The following GABRG3 variants were observed in gnomAD, a reference collection of about 807,000 sequenced individuals.
GABRG3 encodes gamma-aminobutyric acid receptor subunit gamma-3.
Under a neutral mutation model 48.8 loss-of-function variants are expected in GABRG3, and 25 were observed. The ratio of observed to expected loss-of-function variants is 0.51; its 90% CI spans 0.37 to 0.72. The LOEUF is 0.72. GABRG3 is among the 30% of genes least tolerant of loss of function. GABRG3 has a pLI of 0.00. For missense variants in GABRG3, 394 were observed against 577.9 expected, an observed-to-expected ratio of 0.68 and a Z score of 3.26; for synonymous variants, 227 against 217.6, an observed-to-expected ratio of 1.04 and a Z score of -0.38.
At position 27,153,424 on chromosome 15, in the gene GABRG3, G is replaced by A. The variant is rs1898359614; in HGVS notation, c.270+126603G>A. The stretch of plus-strand genomic sequence containing the variant: ...ATACAATAGGCTGTAATATCTGGTA[G>A]AGTGATTCTTCCTGCACTCTTCTTT... On this transcript the variant is annotated intron_variant, in intron 3 of 9. Coordinates refer to ENST00000615808, the MANE Select transcript of GABRG3 (RefSeq NM_033223.5). Among the ~76,000 whole-genome samples, 3 of 152,140 alleles carry A rather than the reference G, an allele frequency of 2.0e-5. No homozygotes were observed. In the South Asian group the frequency reaches 6.2e-4, roughly 32 times the overall value.
chr15:27,129,912 A>G (rs1275781917), intron 3 of GABRG3, among the ~76,000 whole-genome samples: 1 of 152,058 alleles, frequency 6.6e-6, no homozygotes, highest in Non-Finnish European at 1.5e-5. Context: ...TGTTGTTTAA[A>G]TAGTTGCTCT....
At chr15:27,294,777 C>A (rs1891923208) in intron 3 of GABRG3, 1 of 152,176 alleles carries the variant, frequency 6.6e-6, no homozygotes, top group Non-Finnish European at 1.5e-5. Context: ...TTTTCAGTGA[C>A]CCCTCTCACT....
chr15:27,449,767 C>A (rs1889053086), intron 5 of GABRG3, among the ~76,000 whole-genome samples: 1 of 152,206 alleles, frequency 6.6e-6, no homozygotes. Context: ...AAAACACCTA[C>A]ACGCTGAGTC....
chr15:27,003,588 A>G (rs1001449347), intron 2 of GABRG3, among the ~76,000 whole-genome samples: 4 of 152,214 alleles, frequency 2.6e-5, no homozygotes, highest in African/African-American at 7.2e-5. Flanking sequence ...TTTTCTTAGT[A>G]CAGAACAAAA....
At chr15:27,345,136 G>A (rs367805629) in intron 5 of GABRG3, among the ~76,000 whole-genome samples, 110 of 152,274 alleles carry the variant, frequency 7.2e-4, no homozygotes, top group African/African-American at 2.5e-3. Context: ...GGCTTTTTAA[G>A]ATTTTAATCT....
chr15:27,460,217 C>G (rs930273328), intron 5 of GABRG3, among the ~76,000 whole-genome samples: 1 of 152,150 alleles, frequency 6.6e-6, no homozygotes, highest in Non-Finnish European at 1.5e-5. Context: ...ATATTTCAAG[C>G]CTTTTTTGTG....
chr15:27,409,834 T>C (rs1195779446), intron 5 of GABRG3, among the ~76,000 whole-genome samples: 1 of 151,884 alleles, frequency 6.6e-6, no homozygotes, highest in Admixed American at 6.6e-5. Flanking sequence ...TAGGAGTTAG[T>C]TTTTTTACAT....
rs543249164 is a variant in GABRG3, at chr15:27,461,838, A to G, written c.575-18812A>G. 1.4e-4 allele frequency among the ~76,000 whole-genome samples: 21 copies of G among 152,304 alleles called. No individual in the cohort carries two copies. In the East Asian group the frequency reaches 2.9e-3, roughly 21 times the overall value. On this transcript the variant is annotated intron_variant, in intron 5 of 9. Coordinates refer to ENST00000615808, the MANE Select transcript of GABRG3 (RefSeq NM_033223.5). ...GGTTTTGCATTCAATACTAGAGCCA[A>G]AAACAGTGTAGAGAGACTTCTTTTT...
chr15:27,039,040 G>T (rs1190338216), intron 3 of GABRG3, among the ~76,000 whole-genome samples: 1 of 152,122 alleles, frequency 6.6e-6, no homozygotes, highest in Admixed American at 6.5e-5. Flanking sequence ...AGCTGGGTTG[G>T]GCTCCGTTAC....
intron 3 of GABRG3, among the ~76,000 whole-genome samples, chr15:27,278,354 T>C (rs1891323761): frequency 6.6e-6 from 1 of 152,026 alleles, no homozygotes; most frequent in Non-Finnish European, 1.5e-5. Flanking sequence ...CTGGCCTCGG[T>C]GCATTTTTAC....
intron 3 of GABRG3, among the ~76,000 whole-genome samples, chr15:27,046,261 T>A (rs1180460996): frequency 1.4e-5 from 1 of 72,168 alleles, no homozygotes; most frequent in Non-Finnish European, 2.2e-5. Flanking sequence ...ACCTGGCTAA[T>A]TTTTTTTTTT....
In GABRG3 at chr15:27,529,904, A is replaced by AAG. The variant is rs1555389676; in HGVS notation, c.1122+1916_1122+1917dup. 2.2e-3 allele frequency among the ~76,000 whole-genome samples: 339 copies of AAG among 151,548 alleles called. 6 individuals are homozygous for AAG. Among genetic ancestry groups the AAG allele is most frequent in the African/African-American group, 7.8e-3 (320 of 40,992 alleles). ...AGCAGAAAATTAAAAAAAAAAAAAA[A>AAG]AGAGAAAGTGGGAAAGTTTAATGAC... On this transcript the variant is annotated intron_variant, in intron 9 of 9. Coordinates refer to ENST00000615808, the MANE Select transcript of GABRG3 (RefSeq NM_033223.5).
chr15:27,043,389 A>G (rs1315994534), intron 3 of GABRG3, among the ~76,000 whole-genome samples: 2 of 152,136 alleles, frequency 1.3e-5, no homozygotes, highest in Non-Finnish European at 2.9e-5. Context: ...CTCAGAACCA[A>G]CTCACTCATG....
intron 3 of GABRG3, among the ~76,000 whole-genome samples, chr15:27,308,233 T>C (rs1026441472): frequency 7.3e-6 from 1 of 136,794 alleles, no homozygotes; most frequent in Non-Finnish European, 1.5e-5. Context: ...CATGTTTATA[T>C]ATCCAAACAT....
chr15:27,115,447 G>A (rs910670134), intron 3 of GABRG3, among the ~76,000 whole-genome samples: 2 of 152,108 alleles, frequency 1.3e-5, no homozygotes, highest in African/African-American at 4.8e-5. Flanking sequence ...GATCACGTGG[G>A]CATTTTCCTG....
At chr15:27,147,866 A>C (rs1170731234) in intron 3 of GABRG3, among the ~76,000 whole-genome samples, 1 of 151,976 alleles carries the variant, frequency 6.6e-6, no homozygotes, top group Non-Finnish European at 1.5e-5. Flanking sequence ...ATTTTTAAAA[A>C]GTGAGATTTC....
intron 3 of GABRG3, among the ~76,000 whole-genome samples, chr15:27,109,024 T>C (rs1055070913): frequency 7.9e-5 from 12 of 152,190 alleles, no homozygotes; most frequent in African/African-American, 2.9e-4. Context: ...ACCTATATTA[T>C]TATGAGCATT....
intron 3 of GABRG3, among the ~76,000 whole-genome samples, chr15:27,155,252 T>C (rs1030760719): frequency 6.6e-6 from 1 of 152,226 alleles, no homozygotes; most frequent in African/African-American, 2.4e-5. Context: ...TCTTTATGTC[T>C]TCTACTGAGA....
At chr15:27,071,299 C>G (rs1480960371) in intron 3 of GABRG3, among the ~76,000 whole-genome samples, 1 of 152,114 alleles carries the variant, frequency 6.6e-6, no homozygotes, top group Non-Finnish European at 1.5e-5. Flanking sequence ...CTTTTGCCAC[C>G]CTACCCCCTT....
Sources: gnomAD v4.1 joint callset for allele counts (sites outside exome capture counted in the v4.1 genomes callset) on GRCh38, gnomAD v4.1.1 for gene constraint, MANE v1.5 for transcripts, NCBI Gene and HGNC (gene_info 2026-07-23, HGNC 2026-07-21) for gene names.